Variants in SMAP1 observed in about 807,000 individuals in gnomAD.
SMAP1 encodes the protein stromal membrane-associated protein 1.
A neutral mutation model predicts 58.5 loss-of-function variants in SMAP1; 24 were observed. The observed-to-expected ratio is 0.41, with a 90% CI of 0.30 to 0.58. The LOEUF is 0.58. Ranked by LOEUF, SMAP1 falls within the 20% of genes least tolerant of loss-of-function variation. The pLI is 0.29. For synonymous variants in SMAP1, 216 were observed against 196.6 expected, an observed-to-expected ratio of 1.10 and a Z score of -0.82; for missense variants, 563 against 566.3, an observed-to-expected ratio of 0.99 and a Z score of 0.06.
At chr6:70,838,987 C>G (rs1445079691) in intron 7 of SMAP1, among the ~76,000 whole-genome samples, 1 of 151,748 alleles carries the variant, frequency 6.6e-6, no homozygotes, top group African/African-American at 2.4e-5. Flanking sequence ...CTGATACTTT[C>G]AGGACAAGGA....
At chr6:70,819,154 A>T (rs944759438) in intron 6 of SMAP1, among the ~76,000 whole-genome samples, 1 of 152,086 alleles carries the variant, frequency 6.6e-6, no homozygotes, top group Admixed American at 6.5e-5. Flanking sequence ...CACTTAGCAT[A>T]GTCTTTTCAA....
intron 3 of SMAP1, among the ~76,000 whole-genome samples, chr6:70,763,480 A>G (rs1364650756): frequency 6.6e-6 from 1 of 152,170 alleles, no homozygotes; most frequent in East Asian, 1.9e-4. Context: ...CTGTGATACA[A>G]CATTAACACC....
rs1562081278 is a variant in SMAP1 at position 70,668,678 on chromosome 6, AT to A, written c.118+538del. 9 of 1,535,934 alleles carry A rather than the reference AT, an allele frequency of 5.9e-6. No homozygotes were observed. The Middle Eastern group carries it at 1.0e-3, about 171-fold the overall frequency. ...CTGACAGCTTTTGTACAAGGCTTTT[AT>A]CTCTGCTTCCTGAAAAAGAGTATGG... On this transcript the variant is annotated intron_variant, in intron 1 of 10. Coordinates refer to ENST00000370455, the MANE Select transcript of SMAP1 (RefSeq NM_001044305.3).
At position 70,857,592 on chromosome 6, in the gene SMAP1, G is replaced by A. The variant is rs1771484827; in HGVS notation, c.962-330G>A. 12 of 263,670 alleles carry A rather than the reference G, an allele frequency of 4.6e-5. No individual in the cohort carries two copies. The South Asian group carries it at 6.1e-4, about 13-fold the overall frequency. 16.3% of individuals were successfully genotyped at this position (263,670 alleles called of 1,614,324 possible). ...TCTCACTTCCCTGTTTCGTACTGGG[G>A]GACCAGTGGTACAAATCAGCAATAA... On this transcript the variant is annotated intron_variant, in intron 9 of 10. Transcript: ENST00000370455.
chr6:70,730,553 A>C (rs368693547), intron 1 of SMAP1, among the ~76,000 whole-genome samples: 6 of 152,356 alleles, frequency 3.9e-5, no homozygotes, highest in South Asian at 2.1e-4. Flanking sequence ...TAGAGTTGTC[A>C]CAGATGTCCC....
intron 10 of SMAP1, chr6:70,859,569 T>G: frequency 4.1e-6 from 2 of 487,740 alleles, no homozygotes; most frequent in South Asian, 3.9e-5. Context: ...CCACTCACTA[T>G]ATGGTAAATC....
intron 5 of SMAP1, 120 bp from the exon 6 acceptor site, chr6:70,798,537 A>G (rs1015416274): frequency 1.1e-4 from 72 of 679,760 alleles, no homozygotes; most frequent in East Asian, 5.6e-4. Context: ...TAGCACGTAG[A>G]TATTGTAATT....
intron 6 of SMAP1, among the ~76,000 whole-genome samples, chr6:70,799,242 G>A (rs1324090281): frequency 6.6e-6 from 1 of 152,144 alleles, no homozygotes; most frequent in Admixed American, 6.5e-5. Flanking sequence ...ATTTGTCTAT[G>A]TATAGAAACT....
At chr6:70,706,010 A>G (rs1183780249) in intron 1 of SMAP1, among the ~76,000 whole-genome samples, 2 of 152,186 alleles carry the variant, frequency 1.3e-5, no homozygotes, top group African/African-American at 4.8e-5. Context: ...TGGCATTTCT[A>G]CCAAGAAATG....
intron 7 of SMAP1, among the ~76,000 whole-genome samples, chr6:70,840,361 C>T (rs985955998): frequency 6.6e-6 from 1 of 152,150 alleles, no homozygotes; most frequent in African/African-American, 2.4e-5. Flanking sequence ...TTAAGCTCAC[C>T]TTTCCTGATC....
intron 6 of SMAP1, among the ~76,000 whole-genome samples, chr6:70,827,509 G>C (rs1770184701): frequency 6.6e-6 from 1 of 152,210 alleles, no homozygotes; most frequent in East Asian, 1.9e-4. Flanking sequence ...CTGTAGCATA[G>C]AGAGTATGGC....
intron 1 of SMAP1, among the ~76,000 whole-genome samples, chr6:70,703,019 T>A (rs184896531): frequency 6.6e-6 from 1 of 152,310 alleles, no homozygotes; most frequent in Non-Finnish European, 1.5e-5. Context: ...CAAGTGTAAT[T>A]TGAGGGTTTG....
At chr6:70,766,683 C>T (rs1767003221) in intron 3 of SMAP1, among the ~76,000 whole-genome samples, 1 of 152,032 alleles carries the variant, frequency 6.6e-6, no homozygotes, top group Non-Finnish European at 1.5e-5. Flanking sequence ...AAATTTTCTC[C>T]CATTTTGTAG....
At chr6:70,704,766 C>T (rs1258276148) in intron 1 of SMAP1, among the ~76,000 whole-genome samples, 1 of 152,178 alleles carries the variant, frequency 6.6e-6, no homozygotes, top group Non-Finnish European at 1.5e-5. Context: ...GCTTGAAAGA[C>T]AAGAAAGTAG....
intron 1 of SMAP1, among the ~76,000 whole-genome samples, chr6:70,673,473 A>G (rs1415091843): frequency 6.6e-6 from 1 of 152,236 alleles, no homozygotes; most frequent in Non-Finnish European, 1.5e-5. Context: ...CAAAAAGTAG[A>G]AACGTGTAGA....
chr6:70,708,021 C>T (rs1163095176), intron 1 of SMAP1, among the ~76,000 whole-genome samples: 1 of 152,098 alleles, frequency 6.6e-6, no homozygotes, highest in African/African-American at 2.4e-5. Flanking sequence ...TGTAGTAACA[C>T]TGCAGTGTAT....
intron 6 of SMAP1, among the ~76,000 whole-genome samples, chr6:70,826,934 C>CAAAAAAAAAAAAAAAAAA (rs61069311): frequency 1.3e-5 from 1 of 76,630 alleles, no homozygotes; most frequent in Non-Finnish European, 2.3e-5. Flanking sequence ...AACCGTGTCT[C>CAAAAAAAAAAAAAAAAAA]AAAAAAAAAA....
intron 6 of SMAP1, among the ~76,000 whole-genome samples, chr6:70,836,323 AC>A (rs1272006674): frequency 6.6e-6 from 1 of 151,820 alleles, no homozygotes; most frequent in Non-Finnish European, 1.5e-5. Flanking sequence ...TAGGGAAACT[AC>A]CCCTTATAAT....
chr6:70,791,811 TGGTAAATTAACTTC>T, intron 5 of SMAP1, 42 bp downstream of exon 5: 2 of 1,535,356 alleles, frequency 1.3e-6, no homozygotes, highest in South Asian at 1.1e-5. Context: ...TAGTGTTAAA[TGGTAAATTAACTTC>T]CTTTTGCAGT....
Sources: allele counts gnomAD v4.1 joint callset (sites outside exome capture counted in the v4.1 genomes callset), GRCh38; gene constraint gnomAD v4.1.1; transcripts MANE v1.5; gene names NCBI Gene and HGNC (gene_info 2026-07-23, HGNC 2026-07-21).